GBP3: variants seen among roughly 807,000 people sequenced by gnomAD.
The protein encoded by GBP3 is guanylate binding protein 3.
Under a neutral mutation model 62.4 loss-of-function variants are expected in GBP3, and 55 were observed. The observed-to-expected ratio is 0.88, with a 90% confidence interval of 0.71 to 1.10. The LOEUF (loss-of-function observed/expected upper bound fraction) is 1.10, where lower values mean the gene tolerates loss of function less well. Among genes scored for constraint, GBP3 ranks in the 50% least tolerant of loss-of-function variants. GBP3 has a pLI of 0.00. For missense variants in GBP3, 605 were observed against 690.6 expected (o/e 0.88, Z 1.39); for synonymous variants, 208 against 259.2 (o/e 0.80, Z 1.90).
In GBP3 at chr1:89,012,148, CTGGA is replaced by C. The variant is rs1363584947; in HGVS notation, c.869-125_869-122del. The C allele has an allele frequency of 4.0e-6, 4 of 1,005,716 alleles. No individual in the cohort carries two copies. In the African/African-American group the frequency reaches 6.1e-5, roughly 15 times the overall value. 62.3% of individuals were successfully genotyped at this position (1,005,716 alleles called of 1,614,324 possible). On this transcript the variant is annotated intron_variant, in intron 6 of 10. Transcript: ENST00000370481. ...ACAGCATCAAGGTCCTCAGAATCAT[CTGGA>C]AGCTTGCTGGAAATGCCTATTGTTA... is the stretch of plus-strand genomic sequence containing the variant.
In GBP3 at chr1:89,014,220, T is replaced by A. The variant is rs139129340; in HGVS notation, c.488A>T (p.Asn163Ile). 327 of 1,614,202 alleles carry A rather than the reference T, an allele frequency of 2.0e-4. No individual in the cohort carries two copies. The African/African-American group carries it at 4.0e-3, about 20-fold the overall frequency. ...GCTCACAAAGTCAGCTGAATCCTCA[T>A]TCTCATTCTCATCAGGTGAGGATTT... ...RSKSSPDENE[N>I]EDSADFVSFF... The change falls in exon 5 of 11, where the codon AAT becomes ATT. Residue 163 changes from asparagine (N) to isoleucine (I), a missense_variant. Coordinates refer to ENST00000370481, the MANE Select transcript of GBP3 (RefSeq NM_018284.3).
chr1:89,007,949 T>A, intron 10 of GBP3, 97 bp from the exon 11 acceptor site: 1 of 1,146,538 alleles, frequency 8.7e-7, no homozygotes, highest in Non-Finnish European at 1.2e-6. Flanking sequence ...TAGTACTTAG[T>A]TTTTTTCTTG....
chr1:89,014,774 GAAA>G (rs1017843858), intron 3 of GBP3, 118 bp from the exon 4 acceptor site: 1 of 1,224,700 alleles, frequency 8.2e-7, no homozygotes, highest in African/African-American at 1.5e-5. Flanking sequence ...AATGACCTAT[GAAA>G]AGAACCCAAA....
chr1:89,007,882 G>A (rs1451994865), intron 10 of GBP3, 30 bp from the exon 11 acceptor site: 2 of 1,597,480 alleles, frequency 1.3e-6, no homozygotes, highest in East Asian at 2.2e-5. Flanking sequence ...GGCTAAATAA[G>A]TGTAGCATTA....
At chr1:89,016,936 A>G (rs1344272556) in intron 2 of GBP3, among the ~76,000 whole-genome samples, 2 of 152,226 alleles carry the variant, frequency 1.3e-5, no homozygotes, top group African/African-American at 4.8e-5. Flanking sequence ...TGTAAAAGTG[A>G]CATACAGATT....
chr1:89,019,600 C>T (rs1679074975), intron 2 of GBP3, among the ~76,000 whole-genome samples: 1 of 152,188 alleles, frequency 6.6e-6, no homozygotes, highest in African/African-American at 2.4e-5. Flanking sequence ...AAAATTTTGA[C>T]ACATGCTACC....
At chr1:89,008,780 T>G in intron 10 of GBP3, 167 bp downstream of exon 10, 2 of 1,312,330 alleles carry the variant, frequency 1.5e-6, no homozygotes, top group Non-Finnish European at 1.0e-6. Flanking sequence ...AGTGACCACA[T>G]GTAGGCAGTG....
At chr1:89,018,327 G>A (rs1678998629) in intron 2 of GBP3, among the ~76,000 whole-genome samples, 1 of 152,182 alleles carries the variant, frequency 6.6e-6, no homozygotes, top group Non-Finnish European at 1.5e-5. Context: ...AAAAGCAGAT[G>A]TTCATAGCTC....
intron 10 of GBP3, 27 bp from the exon 11 acceptor site, chr1:89,007,879 T>G (rs1678320521): frequency 1.2e-6 from 2 of 1,603,634 alleles, no homozygotes; most frequent in Non-Finnish European, 1.7e-6. Flanking sequence ...GGAGGCTAAA[T>G]AAGTGTAGCA....
intron 6 of GBP3, 72 bp downstream of exon 6, chr1:89,013,113 C>T (rs770907980): frequency 1.1e-4 from 173 of 1,521,756 alleles, no homozygotes; most frequent in Middle Eastern, 2.4e-4. Flanking sequence ...GCTGGGATTA[C>T]AGGCATGAAC....
intron 5 of GBP3, 90 bp from the exon 6 acceptor site, chr1:89,013,517 G>T: frequency 1.5e-6 from 2 of 1,342,606 alleles, no homozygotes; most frequent in Non-Finnish European, 2.0e-6. Context: ...AGGCTAGGTG[G>T]TCTCTTTTCC....
Position 89,012,046 on chromosome 1 carries a change from T to A in GBP3, c.869-19A>T. ...TCTAGACCTACATACAAAGAAGAAA[T>A]GATAATGTTTCTTGTACTAAAGAAA... On this transcript the variant is annotated intron_variant, in intron 6 of 10. Coordinates refer to ENST00000370481, the MANE Select transcript of GBP3 (RefSeq NM_018284.3). 13 of 1,448,574 alleles carry A rather than the reference T, an allele frequency of 9.0e-6. 3 individuals carry two copies. The highest frequency in any genetic ancestry group is 1.2e-5 in the Non-Finnish European group (13 of 1,044,890). 89.7% of individuals were successfully genotyped at this position (1,448,574 alleles called of 1,614,324 possible). A position where few individuals can be genotyped will look rare whatever the true frequency, so the allele number is the denominator to read the frequency against.
chr1:89,012,463 C>T (rs1678624228), intron 6 of GBP3, among the ~76,000 whole-genome samples: 1 of 139,178 alleles, frequency 7.2e-6, no homozygotes, highest in Non-Finnish European at 1.7e-5. Context: ...TATTTTAGCA[C>T]AGCATTGTCC....
intron 5 of GBP3, 175 bp downstream of exon 5, chr1:89,013,908 T>G: frequency 8.1e-6 from 5 of 617,026 alleles, no homozygotes; most frequent in Non-Finnish European, 1.4e-5. Flanking sequence ...ATTCATTCCT[T>G]TTTTCCTTTT....
At chr1:89,015,045 T>TCA (rs1288287192) in intron 3 of GBP3, among the ~76,000 whole-genome samples, 1 of 152,238 alleles carries the variant, frequency 6.6e-6, no homozygotes, top group Non-Finnish European at 1.5e-5. Context: ...CTGTGTTAAC[T>TCA]CACATAGCTT....
intron 1 of GBP3, among the ~76,000 whole-genome samples, chr1:89,022,032 C>T (rs1679266745): frequency 7.0e-6 from 1 of 142,752 alleles, no homozygotes; most frequent in Admixed American, 7.1e-5. Context: ...AAAAACTAGG[C>T]CACCGCCCTC....
intron 6 of GBP3, among the ~76,000 whole-genome samples, chr1:89,012,903 T>C (rs1678647419): frequency 7.1e-6 from 1 of 140,764 alleles, no homozygotes; most frequent in South Asian, 2.3e-4. Context: ...AGTGGCGTGA[T>C]CTCGTCTCAC....
intron 2 of GBP3, 169 bp downstream of exon 2, chr1:89,020,363 G>T: frequency 1.4e-6 from 1 of 736,102 alleles, no homozygotes; most frequent in Non-Finnish European, 2.4e-6. Flanking sequence ...CCTCAGAACA[G>T]CTGTGAGCTG....
chr1:89,013,876 T>C, intron 5 of GBP3: 1 of 541,970 alleles, frequency 1.8e-6, no homozygotes, highest in Admixed American at 3.5e-5. Context: ...ATCTAATCTA[T>C]TAATTTAGAT....
Sources: allele counts gnomAD v4.1 joint callset (sites outside exome capture counted in the v4.1 genomes callset), GRCh38; gene constraint gnomAD v4.1.1; transcripts MANE v1.5; gene names NCBI Gene and HGNC (gene_info 2026-07-23, HGNC 2026-07-21).